The following AKAP6 variants were observed in gnomAD, a reference collection of about 807,000 sequenced individuals.
The protein encoded by AKAP6 is A-kinase anchoring protein 6.
In AKAP6, 58 loss-of-function variants were observed where a neutral mutation model predicts 188.5. The ratio of observed to expected loss-of-function variants is 0.31; its 90% CI spans 0.25 to 0.38. The LOEUF (loss-of-function observed/expected upper bound fraction) is 0.38, where lower values mean the gene tolerates loss of function less well. Ranked by LOEUF, AKAP6 falls within the 10% of genes least tolerant of loss-of-function variation. The pLI is 1.00. For missense variants in AKAP6, 2,710 were observed against 2,740.0 expected (o/e 0.99, Z 0.24); for synonymous variants, 989 against 998.6 (o/e 0.99, Z 0.18).
intron 1 of AKAP6, among the ~76,000 whole-genome samples, chr14:32,346,469 T>C (rs529054940): frequency 2.6e-5 from 4 of 152,228 alleles, no homozygotes; most frequent in African/African-American, 4.8e-5. Context: ...CCAAAAACTC[T>C]GTGGGATATG....
At chr14:32,657,895 A>C (rs964314478) in intron 7 of AKAP6, among the ~76,000 whole-genome samples, 7 of 152,150 alleles carry the variant, frequency 4.6e-5, no homozygotes, top group African/African-American at 1.7e-4. Context: ...TCTAATTATC[A>C]TAGTAAGGAA....
At chr14:32,427,768 G>T (rs35566397) in intron 1 of AKAP6, among the ~76,000 whole-genome samples, 42,082 of 152,084 alleles carry the variant, frequency 0.28, 6,630 homozygotes, top group Middle Eastern at 0.45. Context: ...CATATGAATA[G>T]GTTCTATGAA....
chr14:32,362,004 G>T (rs1346960501), intron 1 of AKAP6, among the ~76,000 whole-genome samples: 5 of 152,004 alleles, frequency 3.3e-5, no homozygotes, highest in African/African-American at 9.7e-5. Flanking sequence ...TTTGTTGTAA[G>T]AAATGAATAA....
In AKAP6 at chr14:32,632,632, G is replaced by A. The variant is rs566365761; in HGVS notation, c.2730+31840G>A. Among the ~76,000 whole-genome samples, 15 of 152,148 alleles carry A rather than the reference G, an allele frequency of 9.9e-5. No homozygotes were observed. In the East Asian group the frequency reaches 2.7e-3, roughly 27 times the overall value. ...GGAGAGCTTGATGGGGAACTGAAAAGGGGATCAAAAATCTGGGCTTTGGAC... is the reference window on the plus strand; with the variant it reads ...GGAGAGCTTGATGGGGAACTGAAAAAGGGATCAAAAATCTGGGCTTTGGAC... On this transcript the variant is annotated intron_variant, in intron 7 of 13. Transcript: ENST00000280979.
chr14:32,709,774 C>T (rs895076120), intron 9 of AKAP6, among the ~76,000 whole-genome samples: 23 of 152,042 alleles, frequency 1.5e-4, no homozygotes, highest in African/African-American at 5.3e-4. Flanking sequence ...ATTGTCAAAT[C>T]AGCCAGAATC....
rs184219734 is a variant in AKAP6, at chr14:32,656,455, T to C, written c.2731-21856T>C. Among the ~76,000 whole-genome samples, 5 of 152,226 alleles carry C rather than the reference T, an allele frequency of 3.3e-5. No individual in the cohort carries two copies. In the East Asian group the frequency reaches 7.7e-4, roughly 24 times the overall value. On this transcript the variant is annotated intron_variant, in intron 7 of 13. Coordinates refer to ENST00000280979, the MANE Select transcript of AKAP6 (RefSeq NM_004274.5). The stretch of plus-strand genomic sequence containing the variant: ...CTTCTTAGCAGTTCTCCAGATTTAC[T>C]CTGAATAAGCATCACCTGGGAGTGC...
chr14:32,545,853 T>G lies in AKAP6; in HGVS notation c.1200T>G (p.Thr400=). 6.2e-7 allele frequency: 1 copy of G among 1,614,188 alleles called. No homozygotes were observed. Among genetic ancestry groups the G allele is most frequent in the South Asian group, 1.1e-5 (1 of 91,076 alleles). Residue 400 remains threonine (T), a synonymous_variant, in exon 4 of 14, where the codon ACT becomes ACG. Transcript: ENST00000280979. The stretch of plus-strand genomic sequence containing the variant: ...GAGGACTTTTTCTTAAAGAGGAAAC[T>G]TTTAAGAATGATCTGAAAGGCAATG... ...PKRGLFLKEE[T]FKNDLKGNGG...
chr14:32,686,923 G>A (rs1421385426), intron 8 of AKAP6, among the ~76,000 whole-genome samples: 2 of 152,092 alleles, frequency 1.3e-5, no homozygotes, highest in South Asian at 2.1e-4. Flanking sequence ...ATACAGTTGA[G>A]GTTTATGCCT....
At chr14:32,690,098 C>G (rs879560598) in intron 8 of AKAP6, among the ~76,000 whole-genome samples, 9 of 151,534 alleles carry the variant, frequency 5.9e-5, no homozygotes, top group Non-Finnish European at 1.0e-4. Flanking sequence ...CACACACACA[C>G]ACACACACAC....
chr14:32,575,193 G>T (rs1347938713), intron 4 of AKAP6, among the ~76,000 whole-genome samples: 4 of 152,128 alleles, frequency 2.6e-5, no homozygotes, highest in Admixed American at 1.3e-4. Flanking sequence ...TCAAATTTAT[G>T]CAAATGCAGG....
chr14:32,394,669 G>T (rs1888817238), intron 1 of AKAP6, among the ~76,000 whole-genome samples: 1 of 152,080 alleles, frequency 6.6e-6, no homozygotes, highest in East Asian at 1.9e-4. Context: ...TCTGAACTTG[G>T]CTGTGCTGCA....
At chr14:32,575,776 A>G (rs1311640956) in intron 4 of AKAP6, among the ~76,000 whole-genome samples, 1 of 152,134 alleles carries the variant, frequency 6.6e-6, no homozygotes, top group African/African-American at 2.4e-5. Flanking sequence ...AATATGGGAA[A>G]CCATATGATG....
intron 1 of AKAP6, among the ~76,000 whole-genome samples, chr14:32,369,093 G>C (rs996425300): frequency 6.6e-6 from 1 of 152,054 alleles, no homozygotes; most frequent in South Asian, 2.1e-4. Context: ...AGGAAAGATG[G>C]GCACTCTTCA....
At chr14:32,532,879 G>A (rs752025788) in intron 2 of AKAP6, among the ~76,000 whole-genome samples, 1 of 152,312 alleles carries the variant, frequency 6.6e-6, no homozygotes, top group East Asian at 1.9e-4. Flanking sequence ...GCTAGCAGGA[G>A]GGTAGTATTT....
intron 1 of AKAP6, among the ~76,000 whole-genome samples, chr14:32,386,541 T>C (rs757067326): frequency 5.3e-4 from 81 of 152,140 alleles, no homozygotes; most frequent in Non-Finnish European, 9.0e-4. Flanking sequence ...AAGATTTTTT[T>C]CCCATTCTTG....
intron 12 of AKAP6, among the ~76,000 whole-genome samples, chr14:32,778,030 C>T (rs1027645646): frequency 1.3e-5 from 2 of 152,148 alleles, no homozygotes; most frequent in South Asian, 2.1e-4. Context: ...CAGTCAGACC[C>T]TGTCTCAGAA....
chr14:32,340,077 A>G (rs1047940576), intron 1 of AKAP6, among the ~76,000 whole-genome samples: 19 of 152,012 alleles, frequency 1.2e-4, no homozygotes, highest in Non-Finnish European at 2.5e-4. Context: ...AGCAGTAGAA[A>G]GACATCTTGG....
chr14:32,507,666 G>A (rs991568172), intron 2 of AKAP6, among the ~76,000 whole-genome samples: 2 of 152,066 alleles, frequency 1.3e-5, no homozygotes, highest in Non-Finnish European at 2.9e-5. Flanking sequence ...AATGAGTGAT[G>A]CAGTCAAGTG....
At chr14:32,695,950 A>T in intron 8 of AKAP6, 40 bp from the exon 9 acceptor site, 1 of 1,585,774 alleles carries the variant, frequency 6.3e-7, no homozygotes, top group Non-Finnish European at 8.6e-7. Flanking sequence ...TAACAACTAC[A>T]CTGTATTTAT....
Sources: gnomAD v4.1 joint callset for allele counts (sites outside exome capture counted in the v4.1 genomes callset) on GRCh38, gnomAD v4.1.1 for gene constraint, MANE v1.5 for transcripts, NCBI Gene and HGNC (gene_info 2026-07-23, HGNC 2026-07-21) for gene names.